TMPRSS15: variants seen among roughly 807,000 people sequenced by gnomAD.
TMPRSS15 encodes enteropeptidase.
A neutral mutation model predicts 125.3 loss-of-function variants in TMPRSS15; 128 were observed. The observed-to-expected ratio is 1.02, with a 90% CI of 0.89 to 1.18. The LOEUF is 1.18. TMPRSS15 is among the 50% of genes most tolerant of loss of function. The pLI is 0.00. For synonymous variants in TMPRSS15, 446 were observed against 423.2 expected (o/e 1.05, Z -0.66); for missense variants, 1,283 against 1,212.7 (o/e 1.06, Z -0.86).
intron 1 of TMPRSS15, among the ~76,000 whole-genome samples, chr21:18,437,284 G>T (rs71319690): frequency 6.6e-6 from 1 of 151,980 alleles, no homozygotes; most frequent in Non-Finnish European, 1.5e-5. Context: ...GTAGAAAGCT[G>T]AAACTGGATC....
intron 4 of TMPRSS15, chr21:18,380,720 G>A (rs560377194): frequency 2.9e-6 from 1 of 341,256 alleles, no homozygotes; most frequent in Non-Finnish European, 6.1e-6. Flanking sequence ...GCCATGCTAA[G>A]CCTTCCTATT....
In TMPRSS15 at chr21:18,341,451, T is replaced by C. The variant is rs1314365335; in HGVS notation, c.1526A>G (p.Glu509Gly). ...TGGAGGAGTTGGCACCAAAGTTGGT[T>C]CTGGATAAAGACTCCCATTGCAAAT... Reference protein sequence around the residue: ...YGICNGSLYPEPTLVPTPPPE... With the variant: ...YGICNGSLYPGPTLVPTPPPE... The change falls in exon 13 of 25, where the codon GAA (glutamate) becomes GGA (glycine). Residue 509 changes from glutamate (E) to glycine (G), a missense_variant. Transcript: ENST00000284885. 6.2e-7 allele frequency: 1 copy of C among 1,614,180 alleles called. No homozygotes were observed. The highest frequency in any genetic ancestry group is 2.2e-5 in the East Asian group (1 of 44,888).
intron 6 of TMPRSS15, among the ~76,000 whole-genome samples, chr21:18,366,257 A>G (rs2075736447): frequency 6.6e-6 from 1 of 152,200 alleles, no homozygotes. Flanking sequence ...AGGCCAGGAA[A>G]ATGTTAGTAC....
chr21:18,456,907 G>A (rs971127662), intron 1 of TMPRSS15, among the ~76,000 whole-genome samples: 3 of 151,984 alleles, frequency 2.0e-5, no homozygotes, highest in Admixed American at 6.6e-5. Flanking sequence ...TAGAAAATAA[G>A]ATGTAGAAAG....
intron 24 of TMPRSS15, among the ~76,000 whole-genome samples, chr21:18,274,014 C>T (rs895788410): frequency 1.3e-5 from 2 of 152,176 alleles, no homozygotes; most frequent in Non-Finnish European, 2.9e-5. Context: ...TACACTTTAA[C>T]ACAGTGAAAC....
At chr21:18,422,332 C>A (rs1419471566) in intron 1 of TMPRSS15, among the ~76,000 whole-genome samples, 1 of 151,678 alleles carries the variant, frequency 6.6e-6, no homozygotes, top group Non-Finnish European at 1.5e-5. Flanking sequence ...GAAGGTGAAA[C>A]CTTTGGTGAC....
At chr21:18,387,191 G>A (rs1252959087) in intron 3 of TMPRSS15, among the ~76,000 whole-genome samples, 1 of 152,036 alleles carries the variant, frequency 6.6e-6, no homozygotes, top group Non-Finnish European at 1.5e-5. Context: ...CTGTTTAGTT[G>A]TTTAGTAATG....
At chr21:18,276,214 G>C (rs138555031) in intron 23 of TMPRSS15, among the ~76,000 whole-genome samples, 1 of 152,182 alleles carries the variant, frequency 6.6e-6, no homozygotes, top group African/African-American at 2.4e-5. Context: ...ACACGTGCAC[G>C]TGTGTGTGTA....
intron 4 of TMPRSS15, among the ~76,000 whole-genome samples, chr21:18,383,184 C>G (rs1276004057): frequency 6.6e-6 from 1 of 151,304 alleles, no homozygotes; most frequent in Non-Finnish European, 1.5e-5. Flanking sequence ...CCAACACTCT[C>G]AGAATCTCCT....
chr21:18,432,519 T>A (rs73895614), intron 1 of TMPRSS15, among the ~76,000 whole-genome samples: 2,167 of 152,134 alleles, frequency 0.014, 71 homozygotes, highest in African/African-American at 0.049. Context: ...GGGCTCCTAA[T>A]CAAATCTGAA....
At chr21:18,398,956 GA>G (rs201501542) in intron 1 of TMPRSS15, among the ~76,000 whole-genome samples, 17 of 149,636 alleles carry the variant, frequency 1.1e-4, no homozygotes, top group East Asian at 5.8e-4. Flanking sequence ...ACCTCACTAG[GA>G]AAAAAAAATG....
chr21:18,353,616 C>A, intron 9 of TMPRSS15, 107 bp downstream of exon 9: 1 of 952,520 alleles, frequency 1.0e-6, no homozygotes, highest in Admixed American at 2.3e-5. Flanking sequence ...ACAAGATACT[C>A]ATTATAAAAT....
chr21:18,398,073 C>T, intron 2 of TMPRSS15, 126 bp downstream of exon 2: 3 of 1,268,498 alleles, frequency 2.4e-6, no homozygotes, highest in African/African-American at 1.5e-5. Context: ...AGTAATGGGG[C>T]TCATACATTT....
At chr21:18,467,937 T>A (rs1978699829) in intron 1 of TMPRSS15, among the ~76,000 whole-genome samples, 1 of 151,926 alleles carries the variant, frequency 6.6e-6, no homozygotes, top group Non-Finnish European at 1.5e-5. Context: ...TTTAGTTTTT[T>A]AAAACAGAAG....
chr21:18,358,424 T>C (rs2075646379), intron 8 of TMPRSS15, among the ~76,000 whole-genome samples: 1 of 151,942 alleles, frequency 6.6e-6, no homozygotes, highest in South Asian at 2.1e-4. Flanking sequence ...AATATTTATA[T>C]GAAGTAACCT....
At chr21:18,356,470 A>G (rs955391670) in intron 8 of TMPRSS15, among the ~76,000 whole-genome samples, 1 of 151,758 alleles carries the variant, frequency 6.6e-6, no homozygotes, top group Admixed American at 6.6e-5. Flanking sequence ...CCTCTATTAG[A>G]AGAATTTATA....
At chr21:18,408,786 T>G (rs1196619858) in intron 1 of TMPRSS15, among the ~76,000 whole-genome samples, 2 of 152,166 alleles carry the variant, frequency 1.3e-5, no homozygotes, top group Non-Finnish European at 2.9e-5. Flanking sequence ...TCTTAAGTAC[T>G]GCAATCTAAG....
intron 15 of TMPRSS15, 63 bp downstream of exon 15, chr21:18,329,104 GCT>G (rs3077993): frequency 0.41 from 648,640 of 1,580,864 alleles, 135,095 homozygotes; most frequent in Middle Eastern, 0.48. Flanking sequence ...ATTAAGAAAC[GCT>G]CTTTCCATCA....
intron 13 of TMPRSS15, among the ~76,000 whole-genome samples, chr21:18,333,046 G>A (rs927118559): frequency 6.6e-6 from 1 of 152,106 alleles, no homozygotes; most frequent in Non-Finnish European, 1.5e-5. Context: ...TAAATGATGA[G>A]AGCACATGGA....
Sources: allele counts gnomAD v4.1 joint callset (sites outside exome capture counted in the v4.1 genomes callset), GRCh38; gene constraint gnomAD v4.1.1; transcripts MANE v1.5; gene names NCBI Gene and HGNC (gene_info 2026-07-23, HGNC 2026-07-21).